GRIK2: variants seen among roughly 807,000 people sequenced by gnomAD.
The protein encoded by GRIK2 is glutamate ionotropic receptor kainate type subunit 2, also known as glutamate receptor ionotropic, kainate 2.
A neutral mutation model predicts 100.3 loss-of-function variants in GRIK2; 32 were observed. The ratio of observed to expected loss-of-function variants is 0.32; its 90% confidence interval spans 0.24 to 0.43. The LOEUF (loss-of-function observed/expected upper bound fraction) is 0.43. Ranked by LOEUF, GRIK2 falls within the 20% of genes least tolerant of loss-of-function variation. The pLI is 1.00. For missense variants in GRIK2, 843 were observed against 1,114.9 expected, an observed-to-expected ratio of 0.76 and a Z score of 3.47; for synonymous variants, 417 against 389.4, an observed-to-expected ratio of 1.07 and a Z score of -0.83.
At chr6:101,788,110 A>T (rs1409984968) in intron 7 of GRIK2, among the ~76,000 whole-genome samples, 1 of 151,896 alleles carries the variant, frequency 6.6e-6, no homozygotes, top group African/African-American at 2.4e-5. Context: ...AAGTATAGCT[A>T]TTCCAGCTCA....
intron 14 of GRIK2, among the ~76,000 whole-genome samples, chr6:101,989,857 T>C (rs776069002): frequency 7.3e-5 from 11 of 151,216 alleles, no homozygotes; most frequent in Non-Finnish European, 1.6e-4. Context: ...CATGAAATTA[T>C]ATATATATAT....
intron 7 of GRIK2, among the ~76,000 whole-genome samples, chr6:101,705,901 A>C (rs1773258939): frequency 6.6e-6 from 1 of 151,946 alleles, no homozygotes; most frequent in Non-Finnish European, 1.5e-5. Context: ...TAAAAAAACA[A>C]ATCAGCAATG....
chr6:101,747,691 C>A (rs1776507511), intron 7 of GRIK2, among the ~76,000 whole-genome samples: 1 of 151,788 alleles, frequency 6.6e-6, no homozygotes, highest in Non-Finnish European at 1.5e-5. Context: ...ACATTATAGA[C>A]AATATTGGTA....
chr6:101,853,641 G>A (rs1278983825), intron 10 of GRIK2, among the ~76,000 whole-genome samples: 1 of 152,168 alleles, frequency 6.6e-6, no homozygotes, highest in Non-Finnish European at 1.5e-5. Context: ...GCACATGGAT[G>A]TTTATAGCAA....
chr6:101,718,499 A>G (rs923750027), intron 7 of GRIK2, among the ~76,000 whole-genome samples: 1 of 151,944 alleles, frequency 6.6e-6, no homozygotes, highest in Non-Finnish European at 1.5e-5. Flanking sequence ...GAAGTATGCA[A>G]GTACTATAAA....
At chr6:101,539,672 G>T (rs186961521) in intron 2 of GRIK2, among the ~76,000 whole-genome samples, 1 of 151,518 alleles carries the variant, frequency 6.6e-6, no homozygotes, top group Non-Finnish European at 1.5e-5. Flanking sequence ...ACATCTCTAA[G>T]TACATTATTT....
At chr6:101,440,777 G>A (rs1009183546) in intron 2 of GRIK2, among the ~76,000 whole-genome samples, 5 of 152,100 alleles carry the variant, frequency 3.3e-5, no homozygotes, top group Admixed American at 3.3e-4. Flanking sequence ...GCAGCTCAAA[G>A]TTTGTAACTT....
chr6:101,914,627 C>T (rs1177658920), intron 12 of GRIK2, among the ~76,000 whole-genome samples: 1 of 151,394 alleles, frequency 6.6e-6, no homozygotes, highest in African/African-American at 2.4e-5. Context: ...GTTGCCCCCC[C>T]ACCACACCCA....
chr6:101,747,056 A>G (rs773436783), intron 7 of GRIK2, among the ~76,000 whole-genome samples: 1 of 152,188 alleles, frequency 6.6e-6, no homozygotes. Context: ...AGTTCACCAG[A>G]GAAATAAGTC....
chr6:101,850,343 T>G (rs1370036069), intron 10 of GRIK2, among the ~76,000 whole-genome samples: 1 of 152,000 alleles, frequency 6.6e-6, no homozygotes, highest in Admixed American at 6.6e-5. Context: ...GAGTTCAGTG[T>G]ATGCTTGGGT....
intron 2 of GRIK2, among the ~76,000 whole-genome samples, chr6:101,495,937 C>G (rs181468221): frequency 6.6e-6 from 1 of 151,650 alleles, no homozygotes; most frequent in East Asian, 1.9e-4. Flanking sequence ...TTTTACATAT[C>G]TGAATTTTTC....
intron 12 of GRIK2, among the ~76,000 whole-genome samples, chr6:101,903,419 A>C (rs1008500655): frequency 5.3e-5 from 8 of 151,732 alleles, no homozygotes; most frequent in Non-Finnish European, 1.2e-4. Flanking sequence ...CTTCATTGTC[A>C]TCAGTTATCA....
At chr6:101,601,318 C>T (rs1779203863) in intron 2 of GRIK2, among the ~76,000 whole-genome samples, 1 of 151,746 alleles carries the variant, frequency 6.6e-6, no homozygotes, top group Non-Finnish European at 1.5e-5. Flanking sequence ...TTTTGATGTA[C>T]TAAAGGATTC....
intron 2 of GRIK2, among the ~76,000 whole-genome samples, chr6:101,558,035 C>A (rs927770576): frequency 1.3e-5 from 2 of 152,190 alleles, no homozygotes; most frequent in African/African-American, 4.8e-5. Context: ...AGTTTTTCTT[C>A]TCTAATTACC....
At chr6:102,062,479 T>C (rs557596508) in intron 16 of GRIK2, among the ~76,000 whole-genome samples, 14 of 143,296 alleles carry the variant, frequency 9.8e-5, no homozygotes, top group Admixed American at 4.3e-4. Flanking sequence ...ACTTCTTAAG[T>C]TTTAATTTTT....
chr6:101,545,780 T>C (rs1167395821), intron 2 of GRIK2, among the ~76,000 whole-genome samples: 1 of 152,198 alleles, frequency 6.6e-6, no homozygotes, highest in Non-Finnish European at 1.5e-5. Context: ...CTTAAAGTCT[T>C]TCTCATAGCG....
intron 2 of GRIK2, among the ~76,000 whole-genome samples, chr6:101,474,169 G>T (rs139329591): frequency 1.7e-4 from 26 of 151,746 alleles, no homozygotes; most frequent in Non-Finnish European, 5.9e-5. Flanking sequence ...CCACCCCAAA[G>T]AACTTTGATA....
At chr6:102,022,529 AAAAC>A (rs776036144) in intron 14 of GRIK2, among the ~76,000 whole-genome samples, 97 of 151,862 alleles carry the variant, frequency 6.4e-4, no homozygotes, top group African/African-American at 2.0e-3. Context: ...CATGTCTCTA[AAAAC>A]AAACAAACAA....
At chr6:102,024,597 G>C (rs1769597780) in intron 14 of GRIK2, among the ~76,000 whole-genome samples, 1 of 151,336 alleles carries the variant, frequency 6.6e-6, no homozygotes. Flanking sequence ...TTCAAGAGGA[G>C]TGTGGAATGT....
Sources: gnomAD v4.1 joint callset for allele counts (sites outside exome capture counted in the v4.1 genomes callset) on GRCh38, gnomAD v4.1.1 for gene constraint, MANE v1.5 for transcripts, NCBI Gene and HGNC (gene_info 2026-07-23, HGNC 2026-07-21) for gene names.